DNAH7: variants seen among roughly 807,000 people sequenced by gnomAD.
The protein encoded by DNAH7 is dynein axonemal heavy chain 7.
A neutral mutation model predicts 444.6 loss-of-function variants in DNAH7; 397 were observed. The observed-to-expected ratio is 0.89, with a 90% CI of 0.82 to 0.97. The LOEUF (loss-of-function observed/expected upper bound fraction) is 0.97, where lower values mean the gene tolerates loss of function less well. Among genes scored for constraint, DNAH7 ranks in the 50% least tolerant of loss-of-function variants. The pLI is 0.00. For missense variants in DNAH7, 4,902 were observed against 4,800.8 expected, an observed-to-expected ratio of 1.02 and a Z score of -0.62; for synonymous variants, 1,636 against 1,624.4, an observed-to-expected ratio of 1.01 and a Z score of -0.17.
At chr2:195,818,438 C>G in intron 49 of DNAH7, among the ~76,000 whole-genome samples, 1 of 152,150 alleles carries the variant, frequency 6.6e-6, no homozygotes, top group Non-Finnish European at 1.5e-5. Context: ...GACCTAATTG[C>G]TCTTACAGGC....
chr2:195,866,417 T>C (rs2125102919), intron 40 of DNAH7, among the ~76,000 whole-genome samples: 1 of 152,284 alleles, frequency 6.6e-6, no homozygotes, highest in Non-Finnish European at 1.5e-5. Flanking sequence ...TCCAACCAGT[T>C]CAAAAGTTAT....
intron 5 of DNAH7, among the ~76,000 whole-genome samples, chr2:196,043,094 T>C (rs1207857378): frequency 1.3e-5 from 2 of 152,150 alleles, no homozygotes; most frequent in African/African-American, 4.8e-5. Flanking sequence ...GTGGAAGCTT[T>C]TGTGAATGAC....
chr2:195,779,298 T>C (rs1364912542), intron 58 of DNAH7, among the ~76,000 whole-genome samples: 1 of 152,236 alleles, frequency 6.6e-6, no homozygotes, highest in South Asian at 2.1e-4. Context: ...TCATTAAATA[T>C]ACATTTCTTA....
In DNAH7 at chr2:195,787,142, C is replaced by T. The variant is rs773361049; in HGVS notation, c.10746G>A (p.Leu3582=). The T allele has an allele frequency of 6.2e-7, 1 of 1,605,412 alleles. No homozygotes were observed. The highest frequency in any genetic ancestry group is 8.5e-7 in the Non-Finnish European group (1 of 1,177,844). Residue 3582 remains leucine (L), a synonymous_variant, in exon 58 of 65, where the codon CTG becomes CTA. Transcript: ENST00000312428. ...PEEFKKLLYG[L]CFFHALVQER... ...CTTGTACCAAAGCATGAAAGAAACA[C>T]AGGCCATAAAGCAATTTCTTGAATT...
intron 58 of DNAH7, among the ~76,000 whole-genome samples, chr2:195,781,853 G>T (rs146346592): frequency 1.3e-5 from 2 of 152,134 alleles, no homozygotes; most frequent in East Asian, 1.9e-4. Flanking sequence ...TGTGTGTATT[G>T]TGTTTATATA....
At chr2:195,969,046 T>A (rs559049278) in intron 17 of DNAH7, among the ~76,000 whole-genome samples, 1 of 152,374 alleles carries the variant, frequency 6.6e-6, no homozygotes. Flanking sequence ...GTTTTTCCTG[T>A]TTTCAATGCT....
At chr2:195,964,230 T>C (rs1381821968) in intron 17 of DNAH7, among the ~76,000 whole-genome samples, 3 of 152,192 alleles carry the variant, frequency 2.0e-5, no homozygotes, top group East Asian at 1.9e-4. Context: ...GAAGATTGCT[T>C]TGGGTAGTAT....
intron 56 of DNAH7, 65 bp from the exon 57 acceptor site, chr2:195,794,603 A>G: frequency 6.8e-7 from 1 of 1,472,150 alleles, no homozygotes; most frequent in African/African-American, 1.4e-5. Context: ...AAAAGCATAC[A>G]TATGAAGGAT....
At chr2:195,806,891 T>G (rs765986602) in intron 53 of DNAH7, 59 bp from the exon 54 acceptor site, 28 of 1,394,520 alleles carry the variant, frequency 2.0e-5, no homozygotes, top group Non-Finnish European at 2.7e-5. Context: ...AACAGTATTT[T>G]CACTTATAAA....
At chr2:196,001,018 C>T (rs1040089470) in intron 11 of DNAH7, 135 bp from the exon 12 acceptor site, 17 of 619,878 alleles carry the variant, frequency 2.7e-5, no homozygotes, top group Admixed American at 3.5e-5. Context: ...CAAGGAGGAG[C>T]TCTAATAAAA....
chr2:195,948,782 T>G (rs577095041), intron 19 of DNAH7, among the ~76,000 whole-genome samples: 1 of 152,342 alleles, frequency 6.6e-6, no homozygotes, highest in East Asian at 1.9e-4. Flanking sequence ...AGGGCTCTTT[T>G]TTGGTTCCAT....
chr2:195,930,403 G>C (rs1322979318), intron 21 of DNAH7, among the ~76,000 whole-genome samples: 1 of 152,058 alleles, frequency 6.6e-6, no homozygotes, highest in South Asian at 2.1e-4. Context: ...AGACATACTA[G>C]TGACCAAAAA....
intron 24 of DNAH7, among the ~76,000 whole-genome samples, chr2:195,917,051 G>A (rs923344860): frequency 6.9e-6 from 1 of 144,208 alleles, no homozygotes; most frequent in Non-Finnish European, 1.5e-5. Flanking sequence ...GCAGTGAGCC[G>A]AGATTGTGCC....
chr2:195,743,100 G>A (rs1693143992), intron 63 of DNAH7, among the ~76,000 whole-genome samples: 1 of 152,304 alleles, frequency 6.6e-6, no homozygotes, highest in East Asian at 1.9e-4. Context: ...TCCCATGCTG[G>A]ATGCTTCCCA....
chr2:195,830,828 C>T (rs1187247924), intron 48 of DNAH7, among the ~76,000 whole-genome samples: 1 of 152,136 alleles, frequency 6.6e-6, no homozygotes, highest in African/African-American at 2.4e-5. Flanking sequence ...TCTCTTTCTG[C>T]CCCTTTAACC....
At chr2:195,860,079 T>C (rs1263675593) in intron 42 of DNAH7, among the ~76,000 whole-genome samples, 1 of 152,084 alleles carries the variant, frequency 6.6e-6, no homozygotes, top group Non-Finnish European at 1.5e-5. Flanking sequence ...AAGAAAAAAT[T>C]TGAAAAAGGA....
At chr2:196,053,710 CT>C in intron 2 of DNAH7, among the ~76,000 whole-genome samples, 1 of 152,322 alleles carries the variant, frequency 6.6e-6, no homozygotes, top group African/African-American at 2.4e-5. Context: ...TTAAAGCCCC[CT>C]GTTGAAGTAG....
intron 35 of DNAH7, among the ~76,000 whole-genome samples, chr2:195,883,459 C>CCG (rs1409163448): frequency 3.4e-5 from 5 of 148,656 alleles, no homozygotes; most frequent in African/African-American, 1.3e-4. Flanking sequence ...GCTCCCCCCC[C>CCG]CCAAAAAAAA....
At chr2:195,755,096 G>A (rs929144285) in intron 62 of DNAH7, among the ~76,000 whole-genome samples, 1 of 152,164 alleles carries the variant, frequency 6.6e-6, no homozygotes, top group African/African-American at 2.4e-5. Context: ...AATACGCATT[G>A]CTACACAATA....
Sources: allele counts gnomAD v4.1 joint callset (sites outside exome capture counted in the v4.1 genomes callset), GRCh38; gene constraint gnomAD v4.1.1; transcripts MANE v1.5; gene names NCBI Gene and HGNC (gene_info 2026-07-23, HGNC 2026-07-21).